SOX5: variants seen among roughly 807,000 people sequenced by gnomAD.
The protein encoded by SOX5 is SRY-box transcription factor 5.
In SOX5, 9 loss-of-function variants were observed where a neutral mutation model predicts 92.0. The ratio of observed to expected loss-of-function variants is 0.10; its 90% CI spans 0.06 to 0.17. The LOEUF is 0.17. Among genes scored for constraint, SOX5 ranks in the 10% least tolerant of loss-of-function variants. SOX5 has a pLI of 1.00. For synonymous variants in SOX5, 344 were observed against 336.3 expected, an observed-to-expected ratio of 1.02 and a Z score of -0.25; for missense variants, 642 against 944.5, an observed-to-expected ratio of 0.68 and a Z score of 4.20.
At chr12:23,845,871 T>TAG in intron 3 of SOX5, 112 bp downstream of exon 3, 1 of 852,230 alleles carries the variant, frequency 1.2e-6, no homozygotes, top group Non-Finnish European at 1.9e-6. Flanking sequence ...TAGGTTTCCA[T>TAG]CTTGCCCAAT....
intron 2 of SOX5, among the ~76,000 whole-genome samples, chr12:23,853,945 T>C (rs1027223147): frequency 1.3e-5 from 2 of 152,152 alleles, no homozygotes; most frequent in Non-Finnish European, 2.9e-5. Flanking sequence ...ACATTTGTAA[T>C]AAATTTAACA....
At chr12:24,267,248 A>C (rs1167470892) in intron 3 of SOX5, among the ~76,000 whole-genome samples, 1 of 152,096 alleles carries the variant, frequency 6.6e-6, no homozygotes, top group African/African-American at 2.4e-5. Flanking sequence ...AAACAAACAA[A>C]CAAAAACCTT....
chr12:23,753,948 G>T lies in SOX5; in HGVS notation c.568+1690C>A, dbSNP rs1242857362. Among the ~76,000 whole-genome samples the T allele has an allele frequency of 5.3e-5, 8 of 151,762 alleles. No homozygotes were observed. The South Asian group carries it at 1.7e-3, about 31-fold the overall frequency. On this transcript the variant is annotated intron_variant, in intron 4 of 14. Transcript: ENST00000451604. Reference sequence around the variant, plus strand: ...GTTGAACACCTAATAACCATGCCCTGAACAGAAGAAAGACCTACAGTTGCT... The same window carrying T: ...GTTGAACACCTAATAACCATGCCCTTAACAGAAGAAAGACCTACAGTTGCT...
At chr12:24,491,765 C>T (rs1358754483) in intron 1 of SOX5, among the ~76,000 whole-genome samples, 1 of 152,136 alleles carries the variant, frequency 6.6e-6, no homozygotes, top group East Asian at 1.9e-4. Context: ...TGTAGTGGAA[C>T]TCAGTCTATC....
intron 1 of SOX5, among the ~76,000 whole-genome samples, chr12:24,552,747 C>T (rs575124448): frequency 5.9e-5 from 9 of 152,360 alleles, no homozygotes; most frequent in African/African-American, 2.2e-4. Context: ...CGCCTGTAAT[C>T]CCAACACTTT....
At chr12:24,429,611 T>TACAC (rs911978377) in intron 1 of SOX5, among the ~76,000 whole-genome samples, 1 of 146,906 alleles carries the variant, frequency 6.8e-6, no homozygotes, top group Non-Finnish European at 1.5e-5. Flanking sequence ...GAAACACACA[T>TACAC]ACACACACAC....
At chr12:24,477,893 C>T (rs530639589) in intron 1 of SOX5, among the ~76,000 whole-genome samples, 53 of 151,994 alleles carry the variant, frequency 3.5e-4, no homozygotes, top group African/African-American at 1.2e-3. Flanking sequence ...TCTATTAAAA[C>T]AAAAAAGTTA....
intron 4 of SOX5, among the ~76,000 whole-genome samples, chr12:23,963,014 A>C (rs1036394914): frequency 6.6e-6 from 1 of 152,210 alleles, no homozygotes; most frequent in Non-Finnish European, 1.5e-5. Context: ...ATTTCCCCTT[A>C]TCATTCTGAT....
chr12:23,558,716 C>A (rs1945670915), intron 11 of SOX5, among the ~76,000 whole-genome samples: 1 of 152,234 alleles, frequency 6.6e-6, no homozygotes, highest in Non-Finnish European at 1.5e-5. Flanking sequence ...GATTCTCCTG[C>A]CTCAGCCTCT....
intron 2 of SOX5, among the ~76,000 whole-genome samples, chr12:23,879,907 T>C (rs2096968597): frequency 6.6e-6 from 1 of 152,092 alleles, no homozygotes; most frequent in East Asian, 1.9e-4. Context: ...GAGCAGTAGG[T>C]GGACTGTAGG....
chr12:24,031,666 ACT>A (rs558506155), intron 4 of SOX5, among the ~76,000 whole-genome samples: 168 of 151,878 alleles, frequency 1.1e-3, no homozygotes, highest in Non-Finnish European at 1.9e-3. Context: ...TTAATTTAGC[ACT>A]CTGTGTTAAC....
intron 7 of SOX5, among the ~76,000 whole-genome samples, chr12:23,659,585 G>T (rs1184103120): frequency 6.6e-6 from 1 of 152,142 alleles, no homozygotes; most frequent in Non-Finnish European, 1.5e-5. Flanking sequence ...GTTTTATACA[G>T]CCAAAACAGT....
chr12:23,798,599 CAA>C (rs57605234), intron 3 of SOX5, among the ~76,000 whole-genome samples: 43,234 of 124,110 alleles, frequency 0.35, 6,711 homozygotes, highest in East Asian at 0.61. Context: ...GCAAAAGAAC[CAA>C]AAAAAAAAAA....
At chr12:24,518,634 C>T (rs1950004865) in intron 1 of SOX5, among the ~76,000 whole-genome samples, 1 of 152,096 alleles carries the variant, frequency 6.6e-6, no homozygotes, top group Admixed American at 6.6e-5. Flanking sequence ...ATCATAAGCA[C>T]TTTTGTGATC....
intron 4 of SOX5, among the ~76,000 whole-genome samples, chr12:24,169,698 A>C (rs1953848781): frequency 6.6e-6 from 1 of 152,254 alleles, no homozygotes. Flanking sequence ...TGGAATTAAA[A>C]GGACCTAGAT....
intron 3 of SOX5, among the ~76,000 whole-genome samples, chr12:23,800,067 T>C (rs568410867): frequency 2.6e-5 from 4 of 152,156 alleles, no homozygotes; most frequent in South Asian, 2.1e-4. Flanking sequence ...TAAAATGTCA[T>C]TGAGTGCTCA....
intron 1 of SOX5, among the ~76,000 whole-genome samples, chr12:24,503,692 G>A (rs1948448402): frequency 6.6e-6 from 1 of 152,134 alleles, no homozygotes; most frequent in South Asian, 2.1e-4. Flanking sequence ...GAATGAAGCT[G>A]GAAACCATCA....
intron 4 of SOX5, among the ~76,000 whole-genome samples, chr12:24,210,307 G>A (rs1265528582): frequency 1.3e-5 from 2 of 152,140 alleles, no homozygotes; most frequent in Admixed American, 6.5e-5. Flanking sequence ...ATAGGTCATG[G>A]AGGAGGCAAA....
chr12:24,161,463 G>C (rs528291385), intron 4 of SOX5, among the ~76,000 whole-genome samples: 1 of 152,146 alleles, frequency 6.6e-6, no homozygotes, highest in South Asian at 2.1e-4. Context: ...AGAGCAGAGA[G>C]TATAAGCATT....
Sources: allele counts gnomAD v4.1 joint callset (sites outside exome capture counted in the v4.1 genomes callset), GRCh38; gene constraint gnomAD v4.1.1; transcripts MANE v1.5; gene names NCBI Gene and HGNC (gene_info 2026-07-23, HGNC 2026-07-21).